The following CEP44 variants were observed in gnomAD, a reference collection of about 807,000 sequenced individuals.
The protein encoded by CEP44 is centrosomal protein of 44 kDa.
Under a neutral mutation model 46.7 loss-of-function variants are expected in CEP44, and 45 were observed. The observed-to-expected ratio is 0.96, with a 90% CI of 0.76 to 1.24. The LOEUF (loss-of-function observed/expected upper bound fraction) is 1.24, where lower values mean the gene tolerates loss of function less well. Among genes scored for constraint, CEP44 ranks in the 50% most tolerant of loss-of-function variants. The pLI is 0.00. For missense variants in CEP44, 475 were observed against 459.7 expected (o/e 1.03, Z -0.30); for synonymous variants, 142 against 146.0 (o/e 0.97, Z 0.20).
In CEP44 at chr4:174,302,205, A is replaced by G; in HGVS notation, c.237+19A>G. The G allele has an allele frequency of 6.7e-7, 1 of 1,502,326 alleles. No individual in the cohort carries two copies. The highest frequency in any genetic ancestry group is 9.1e-7 in the Non-Finnish European group (1 of 1,096,770). 93.1% of individuals were successfully genotyped at this position (1,502,326 alleles called of 1,614,324 possible). ...CTATAAGGTATTTTGAGTTTATCAA[A>G]CAATAACTATTAGTTATTGAATGAT... On this transcript the variant is annotated intron_variant, in intron 4 of 11. Transcript: ENST00000503780.
At position 174,301,981 on chromosome 4, in the gene CEP44, T is replaced by C; in HGVS notation, c.90-58T>C. 2 of 1,439,800 alleles carry C rather than the reference T, an allele frequency of 1.4e-6. No individual in the cohort carries two copies. Among genetic ancestry groups the C allele is most frequent in the South Asian group, 2.7e-5 (2 of 75,322 alleles). 89.2% of individuals were successfully genotyped at this position (1,439,800 alleles called of 1,614,324 possible). On this transcript the variant is annotated intron_variant, in intron 3 of 11. Transcript: ENST00000503780. This position sits in a 1 kb window ranked among gnomAD's most constrained non-coding sequence, Gnocchi z 4.3. Reference sequence around the variant, plus strand: ...CTAATATTTTCTTGATTATCCAACTTTGTGGAATTATGCTTATTAAATGCT... The same window carrying C: ...CTAATATTTTCTTGATTATCCAACTCTGTGGAATTATGCTTATTAAATGCT...
At chr4:174,332,693 C>T (rs1731376338) in exon 9 of CEP44, 1 of 152,170 alleles carries the variant, frequency 6.6e-6, no homozygotes, top group Non-Finnish European at 1.5e-5. Context: ...CAACCACTTA[C>T]TGACCTGGTT....
chr4:174,310,175 T>C lies in CEP44; in HGVS notation c.885+119T>C. The stretch of plus-strand genomic sequence containing the variant: ...TGAGAATATTTGAATAATGAGAAAA[T>C]GTCTAGTTAGAATGAAGTCCTGTTT... On this transcript the variant is annotated intron_variant, in intron 8 of 11. Coordinates refer to ENST00000503780, the MANE Select transcript of CEP44 (RefSeq NM_001040157.3). This position sits in a 1 kb window ranked among gnomAD's most constrained non-coding sequence, Gnocchi z 4.2. The C allele has an allele frequency of 3.3e-6, 3 of 913,902 alleles. No homozygotes were observed. The highest frequency in any genetic ancestry group is 4.8e-6 in the Non-Finnish European group (3 of 620,516). 56.6% of individuals were successfully genotyped at this position (913,902 alleles called of 1,614,324 possible). A position where few individuals can be genotyped will look rare whatever the true frequency, so the allele number is the denominator to read the frequency against.
At chr4:174,330,381 A>AG (rs757591370) in intron 8 of CEP44, among the ~76,000 whole-genome samples, 1 of 151,766 alleles carries the variant, frequency 6.6e-6, no homozygotes, top group Non-Finnish European at 1.5e-5. Context: ...CCCAGCTACT[A>AG]GTGGGGCTGA....
intron 6 of CEP44, among the ~76,000 whole-genome samples, chr4:174,307,125 A>T (rs1191539237): frequency 1.3e-5 from 2 of 152,198 alleles, no homozygotes; most frequent in Non-Finnish European, 2.9e-5. Context: ...TAAAATTTAT[A>T]TGAAACCAAA....
Position 174,286,429 on chromosome 4 carries a change from T to C in CEP44, c.-148+2486T>C, listed in dbSNP as rs76506585. 9.1e-3 allele frequency among the ~76,000 whole-genome samples: 1,390 copies of C among 152,362 alleles called. 27 individuals carry two copies. Among genetic ancestry groups the C allele is most frequent in the East Asian group, 0.062 (322 of 5,182 alleles). On this transcript the variant is annotated intron_variant, in intron 1 of 11. Coordinates refer to ENST00000503780, the MANE Select transcript of CEP44 (RefSeq NM_001040157.3). The surrounding 1 kb of genome is among the most constrained non-coding windows in gnomAD (Gnocchi z 5.2). Reference sequence around the variant, plus strand: ...TTGTTCTGTTTTCATTTTAATATAATGACTTCATTTTAATGTGATAACTTC... The same window carrying C: ...TTGTTCTGTTTTCATTTTAATATAACGACTTCATTTTAATGTGATAACTTC...
In CEP44 at chr4:174,297,712, G is replaced by A. The variant is rs1209984700; in HGVS notation, c.-147-254G>A. 3.3e-5 allele frequency among the ~76,000 whole-genome samples: 5 copies of A among 151,042 alleles called. No individual in the cohort carries two copies. Among genetic ancestry groups the A allele is most frequent in the African/African-American group, 4.9e-5 (2 of 41,094 alleles). ...TTCATTAATACTTCTTTCTGCCTTCGAACACTTCCTTCTGTATTGTTCGCC... is the reference window on the plus strand; with the variant it reads ...TTCATTAATACTTCTTTCTGCCTTCAAACACTTCCTTCTGTATTGTTCGCC... On this transcript the variant is annotated intron_variant, in intron 1 of 11. Coordinates refer to ENST00000503780, the MANE Select transcript of CEP44 (RefSeq NM_001040157.3). The surrounding 1 kb of genome is among the most constrained non-coding windows in gnomAD (Gnocchi z 4.3).
Position 174,318,491 on chromosome 4 carries a change from T to G in CEP44, c.*1108T>G. ...AGGTAAATCAATGGAAAAATGAAAT[T>G]TATTTTTAATATTACTACTATATGA... On this transcript the variant is annotated 3_prime_UTR_variant, in exon 12 of 12. Transcript: ENST00000503780. 1.1e-6 allele frequency: 1 copy of G among 878,862 alleles called. No homozygotes were observed. Among genetic ancestry groups the G allele is most frequent in the Non-Finnish European group, 1.3e-6 (1 of 751,184 alleles). The allele number at this position is 878,862 out of a possible 1,614,324, so 54.4% of individuals were successfully genotyped here.
rs550399802 is a variant in CEP44 at position 174,288,416 on chromosome 4, C to T, written c.-148+4473C>T. On this transcript the variant is annotated intron_variant, in intron 1 of 11. Transcript: ENST00000503780. The surrounding 1 kb of genome is among the most constrained non-coding windows in gnomAD (Gnocchi z 4.6). Reference sequence around the variant, plus strand: ...TAACTGAAACTTTGTACCCTTTGAACAACAGCTTCCCATTTTGTTCTCCCC... The same window carrying T: ...TAACTGAAACTTTGTACCCTTTGAATAACAGCTTCCCATTTTGTTCTCCCC... 1.6e-4 allele frequency among the ~76,000 whole-genome samples: 25 copies of T among 152,262 alleles called. No individual in the cohort carries two copies. Among genetic ancestry groups the T allele is most frequent in the Admixed American group, 3.9e-4 (6 of 15,298 alleles).
In CEP44 at chr4:174,316,250, C is replaced by G. The variant is rs143916729; in HGVS notation, c.1046C>G (p.Ala349Gly). Residue 349 changes from alanine to glycine, a missense_variant, in exon 10 of 12, where the codon GCC becomes GGC. Transcript: ENST00000503780. Reference protein sequence around the residue: ...STASSDSTPRASTVNYCGLNE... With the variant: ...STASSDSTPRGSTVNYCGLNE... ...GCATCATCAGATTCAACTCCCAGAG[C>G]CTCTACTGTTAATTACTGTGGTTTG... 6.2e-7 allele frequency: 1 copy of G among 1,611,400 alleles called. No individual in the cohort carries two copies. Among genetic ancestry groups the G allele is most frequent in the Admixed American group, 1.7e-5 (1 of 60,022 alleles).
At chr4:174,300,919 A>G (rs550485023) in intron 3 of CEP44, among the ~76,000 whole-genome samples, 1 of 152,272 alleles carries the variant, frequency 6.6e-6, no homozygotes, top group African/African-American at 2.4e-5. Context: ...TATAGTGTGC[A>G]TAAAATGGAC....
rs1254301111 is a variant in CEP44 at position 174,331,608 on chromosome 4, G to A, written c.*13G>A. On this transcript the variant is annotated 3_prime_UTR_variant, in exon 9 of 9. Transcript: ENST00000426172. The surrounding 1 kb of genome is among the most constrained non-coding windows in gnomAD (Gnocchi z 4.5). ...CTCCTGTGTGTAATCTCTGTTTCTT[G>A]GATCCTGTGCTTACCTTTTCCTGCT... 6.5e-7 allele frequency: 1 copy of A among 1,550,020 alleles called. No homozygotes were observed. Among genetic ancestry groups the A allele is most frequent in the Admixed American group, 2.0e-5 (1 of 50,938 alleles).
chr4:174,284,447 A>G (rs967242807), intron 1 of CEP44, among the ~76,000 whole-genome samples: 1 of 152,200 alleles, frequency 6.6e-6, no homozygotes, highest in Non-Finnish European at 1.5e-5. Context: ...GCTCCTGACT[A>G]TAAGGAAGAC....
In CEP44 at chr4:174,318,436, A is replaced by G; in HGVS notation, c.*1053A>G. On this transcript the variant is annotated 3_prime_UTR_variant, in exon 12 of 12. Transcript: ENST00000503780. ...TGTTTTTTTAATGATGAAAAGTTAC[A>G]CATTTTTTGGAGAGAAAAGTCTTAG... is the stretch of plus-strand genomic sequence containing the variant. 1 of 983,866 alleles carries G rather than the reference A, an allele frequency of 1.0e-6. No individual in the cohort carries two copies. The highest frequency in any genetic ancestry group is 1.2e-6 in the Non-Finnish European group (1 of 828,524). 60.9% of individuals were successfully genotyped at this position (983,866 alleles called of 1,614,324 possible).
chr4:174,305,564 CAATAT>C (rs1291345339), intron 6 of CEP44, among the ~76,000 whole-genome samples: 1 of 152,080 alleles, frequency 6.6e-6, no homozygotes, highest in African/African-American at 2.4e-5. Context: ...GTAATGAAGA[CAATAT>C]AAAGAATGAT....
At chr4:174,315,497 A>T (rs1741566211) in intron 9 of CEP44, among the ~76,000 whole-genome samples, 1 of 152,272 alleles carries the variant, frequency 6.6e-6, no homozygotes, top group African/African-American at 2.4e-5. Flanking sequence ...CTTGATTTTT[A>T]AAAGATATAT....
rs1231464528 is a variant in CEP44 at position 174,314,606 on chromosome 4, T to A, written c.962-1560T>A. ...AAGAGAGCCATTCCTTCACCCTTTA[T>A]CTGTCTTCCCGGACCTGTTTCCTTT... On this transcript the variant is annotated intron_variant, in intron 9 of 11. Transcript: ENST00000503780. The surrounding 1 kb of genome is among the most constrained non-coding windows in gnomAD (Gnocchi z 4.1). 6.6e-6 allele frequency among the ~76,000 whole-genome samples: 1 copy of A among 152,174 alleles called. No individual in the cohort carries two copies. The highest frequency in any genetic ancestry group is 1.5e-5 in the Non-Finnish European group (1 of 68,028).
chr4:174,285,494 G>A (rs1422015109), intron 1 of CEP44: 1 of 152,036 alleles, frequency 6.6e-6, no homozygotes, highest in East Asian at 1.9e-4. Context: ...ACATAACTTT[G>A]TTGTCAGAAA....
chr4:174,310,017 T>A lies in CEP44; in HGVS notation c.846T>A (p.Arg282=), dbSNP rs758562577. Residue 282 remains arginine (R), a synonymous_variant, in exon 8 of 12, where the codon CGT becomes CGA. Transcript: ENST00000503780. This position sits in a 1 kb window ranked among gnomAD's most constrained non-coding sequence, Gnocchi z 4.2. ...DENTWTNLLS[R]VTLLETEMLL... is the part of the protein sequence containing the mutation. ...ACACCTGGACTAATCTTCTTAGTCG[T>A]GTCACTCTTCTTGAAACAGAAATGC... 1 of 1,612,458 alleles carries A rather than the reference T, an allele frequency of 6.2e-7. No individual in the cohort carries two copies. Among genetic ancestry groups the A allele is most frequent in the East Asian group, 2.2e-5 (1 of 44,738 alleles).
Sources: allele counts gnomAD v4.1 joint callset (sites outside exome capture counted in the v4.1 genomes callset), GRCh38; gene constraint gnomAD v4.1.1; non-coding constraint Gnocchi (gnomAD v3.1); transcripts MANE v1.5; gene names NCBI Gene and HGNC (gene_info 2026-07-23, HGNC 2026-07-21).